RRP1B: variants seen among roughly 807,000 people sequenced by gnomAD.
RRP1B encodes ribosomal RNA processing 1B.
In RRP1B, 56 loss-of-function variants were observed where a neutral mutation model predicts 80.2. The ratio of observed to expected loss-of-function variants is 0.70; its 90% CI spans 0.56 to 0.87. The LOEUF is 0.87. Ranked by LOEUF, RRP1B falls within the 40% of genes least tolerant of loss-of-function variation. The pLI, the probability that RRP1B is intolerant of heterozygous loss-of-function variation, is 0.00. For synonymous variants in RRP1B, 351 were observed against 357.6 expected (o/e 0.98, Z 0.21); for missense variants, 807 against 939.8 (o/e 0.86, Z 1.85).
chr21:43,669,956 C>T lies in RRP1B; in HGVS notation c.203C>T (p.Pro68Leu), dbSNP rs138875732. ...LFYCMWVQDE[P>L]LLQEELANTI... ...TACTGCATGTGGGTGCAGGATGAACCCCTTCTACAGGTAACATGCGTTCCC... is the reference window on the plus strand; with the variant it reads ...TACTGCATGTGGGTGCAGGATGAACTCCTTCTACAGGTAACATGCGTTCCC... The change falls in exon 2 of 16, where the codon CCC (proline) becomes CTC (leucine). Residue 68 changes from proline (P) to leucine (L), a missense_variant. By Grantham distance (98) the Pro-to-Leu change is moderately conservative. Transcript: ENST00000340648. 6.2e-7 allele frequency: 1 copy of T among 1,606,548 alleles called. No homozygotes were observed. Among genetic ancestry groups the T allele is most frequent in the Admixed American group, 1.7e-5 (1 of 59,672 alleles).
intron 8 of RRP1B, among the ~76,000 whole-genome samples, chr21:43,680,481 T>A (rs1347281505): frequency 6.6e-6 from 1 of 151,878 alleles, no homozygotes; most frequent in Non-Finnish European, 1.5e-5. Flanking sequence ...GGAGAATCAC[T>A]TGAACCTGGG....
chr21:43,683,344 A>G lies in RRP1B; in HGVS notation c.862A>G (p.Thr288Ala). 2 of 1,614,116 alleles carry G rather than the reference A, an allele frequency of 1.2e-6. No individual in the cohort carries two copies. Among genetic ancestry groups the G allele is most frequent in the Non-Finnish European group, 1.7e-6 (2 of 1,179,970 alleles). Residue 288 changes from threonine to alanine, a missense_variant, in exon 9 of 16, where the codon ACC becomes GCC. Thr to Ala is a moderately conservative substitution (Grantham distance 58, BLOSUM62 0). Transcript: ENST00000340648. The part of the protein sequence containing the change: ...SDERGRDDCG[T>A]FEDTGPLLQF... ...TGAAAGAGGAAGAGATGACTGTGGA[A>G]CCTTTGAGGACACAGGGCCCCTTCT...
At chr21:43,670,464 C>T (rs777048082) in intron 2 of RRP1B, among the ~76,000 whole-genome samples, 39 of 152,236 alleles carry the variant, frequency 2.6e-4, no homozygotes, top group Admixed American at 8.5e-4. Context: ...TCTCTCTGTG[C>T]GGGGCCTGCT....
intron 3 of RRP1B, among the ~76,000 whole-genome samples, chr21:43,673,104 A>C (rs1339260059): frequency 6.6e-6 from 1 of 152,252 alleles, no homozygotes; most frequent in Non-Finnish European, 1.5e-5. Context: ...GATGCCACCT[A>C]TAATCAGACA....
intron 1 of RRP1B, among the ~76,000 whole-genome samples, chr21:43,669,199 G>A (rs1601752338): frequency 6.6e-6 from 1 of 152,060 alleles, no homozygotes; most frequent in East Asian, 1.9e-4. Flanking sequence ...AATGATCACC[G>A]TTGCAGGGAG....
chr21:43,673,843 G>A, intron 3 of RRP1B, 27 bp from the exon 4 acceptor site: 1 of 1,541,484 alleles, frequency 6.5e-7, no homozygotes, highest in Admixed American at 1.7e-5. Flanking sequence ...TGGAAGCCAA[G>A]TATTTAGAGC....
chr21:43,676,087 C>T (rs1254939762), intron 6 of RRP1B, among the ~76,000 whole-genome samples, 185 bp from the exon 7 acceptor site: 1 of 152,046 alleles, frequency 6.6e-6, no homozygotes, highest in Non-Finnish European at 1.5e-5. Flanking sequence ...AGCTGGAGGG[C>T]GGCCTCAGTC....
intron 8 of RRP1B, 113 bp from the exon 9 acceptor site, chr21:43,683,166 C>T: frequency 1.3e-6 from 1 of 798,330 alleles, no homozygotes; most frequent in Non-Finnish European, 2.0e-6. Context: ...AGCCACCGTG[C>T]CCAACCTTCT....
chr21:43,683,449 C>A, intron 9 of RRP1B, 76 bp downstream of exon 9: 1 of 1,135,956 alleles, frequency 8.8e-7, no homozygotes, highest in Non-Finnish European at 1.3e-6. Context: ...AGGGTCACAG[C>A]TAGTTAAGCT....
intron 2 of RRP1B, 125 bp from the exon 3 acceptor site, chr21:43,672,183 T>C: frequency 1.3e-6 from 1 of 741,902 alleles, no homozygotes; most frequent in South Asian, 1.6e-5. Flanking sequence ...TACTTCTTAG[T>C]GGAAGTGACA....
At chr21:43,674,984 G>C (rs369901033) in intron 5 of RRP1B, 50 bp from the exon 6 acceptor site, 70 of 1,603,804 alleles carry the variant, frequency 4.4e-5, no homozygotes, top group Non-Finnish European at 5.6e-5. Flanking sequence ...TTGGGAAGTG[G>C]GACGTGTTGG....
chr21:43,670,539 G>T (rs115880334), intron 2 of RRP1B, among the ~76,000 whole-genome samples: 1,525 of 152,364 alleles, frequency 0.01, 22 homozygotes, highest in African/African-American at 0.033. Flanking sequence ...TAAAAGCTTT[G>T]TTCTGACCCA....
At chr21:43,672,821 A>G (rs1344308944) in intron 3 of RRP1B, among the ~76,000 whole-genome samples, 2 of 152,216 alleles carry the variant, frequency 1.3e-5, no homozygotes, top group Admixed American at 6.5e-5. Context: ...TTATAAAGGA[A>G]GAAAAAGGTA....
Position 43,690,378 on chromosome 21 carries a change from C to A in RRP1B, c.1957C>A (p.Pro653Thr). The A allele has an allele frequency of 6.2e-7, 1 of 1,614,208 alleles. No homozygotes were observed. The highest frequency in any genetic ancestry group is 8.5e-7 in the Non-Finnish European group (1 of 1,180,012). Reference sequence around the variant, plus strand: ...GTTTGACACCCCCTTCTTACCAAAGCCCCTGTTCTTCAGAAGAGCCAAGAG... The same window carrying A: ...GTTTGACACCCCCTTCTTACCAAAGACCCTGTTCTTCAGAAGAGCCAAGAG... ...VKFDTPFLPKPLFFRRAKSST... is the reference protein window; with the variant it reads ...VKFDTPFLPKTLFFRRAKSST... The change falls in exon 14 of 16, where the codon CCC (proline) becomes ACC (threonine). Residue 653 changes from proline (P) to threonine (T), a missense_variant. Pro to Thr is a conservative substitution (Grantham distance 38). Coordinates refer to ENST00000340648, the MANE Select transcript of RRP1B (RefSeq NM_015056.3).
chr21:43,664,841 C>T (rs1419245486), intron 1 of RRP1B, among the ~76,000 whole-genome samples: 1 of 152,106 alleles, frequency 6.6e-6, no homozygotes, highest in Non-Finnish European at 1.5e-5. Flanking sequence ...CAGGAGAGCT[C>T]CCCTTTATAA....
chr21:43,675,999 G>A (rs1037107631), intron 6 of RRP1B, among the ~76,000 whole-genome samples: 7 of 152,180 alleles, frequency 4.6e-5, no homozygotes, highest in African/African-American at 1.7e-4. Context: ...GGACACCCGT[G>A]TTGTATATGT....
chr21:43,682,649 C>T lies in RRP1B; in HGVS notation c.797-630C>T, dbSNP rs528839382. Among the ~76,000 whole-genome samples, 62 of 152,360 alleles carry T rather than the reference C, an allele frequency of 4.1e-4. 2 individuals are homozygous for T. The highest frequency in any genetic ancestry group is 1.3e-3 in the African/African-American group (55 of 41,590). ...ATGCCGTGTCCCATCCGCTTGCCTGCGTCCCTGGACAGGAGCTTCCCATGC... is the reference window on the plus strand; with the variant it reads ...ATGCCGTGTCCCATCCGCTTGCCTGTGTCCCTGGACAGGAGCTTCCCATGC... On this transcript the variant is annotated intron_variant, in intron 8 of 15. Transcript: ENST00000340648.
chr21:43,685,845 TG>T (rs2083061158), intron 11 of RRP1B, 56 bp downstream of exon 11: 12 of 1,558,432 alleles, frequency 7.7e-6, no homozygotes, highest in Non-Finnish European at 9.5e-6. Flanking sequence ...TGGACCCCAC[TG>T]GGGGCGTTGA....
intron 11 of RRP1B, chr21:43,686,408 A>G (rs912074209): frequency 3.4e-5 from 6 of 177,934 alleles, no homozygotes; most frequent in East Asian, 2.9e-4. Context: ...CTTATGGTCA[A>G]TGGTCCCCCC....
Sources: gnomAD v4.1 joint callset for allele counts (sites outside exome capture counted in the v4.1 genomes callset) on GRCh38, gnomAD v4.1.1 for gene constraint, MANE v1.5 for transcripts, NCBI Gene and HGNC (gene_info 2026-07-23, HGNC 2026-07-21) for gene names.